Variants in BMPR1B observed in about 807,000 individuals in gnomAD.
BMPR1B encodes bone morphogenetic protein receptor type-1B.
A neutral mutation model predicts 59.1 loss-of-function variants in BMPR1B; 12 were observed. The observed-to-expected ratio is 0.20, with a 90% CI of 0.13 to 0.33. BMPR1B has a LOEUF of 0.33. BMPR1B is among the 10% of genes least tolerant of loss of function. The pLI, the probability that BMPR1B is intolerant of heterozygous loss-of-function variation, is 1.00. For missense variants in BMPR1B, 550 were observed against 610.9 expected (o/e 0.90, Z 1.05); for synonymous variants, 237 against 207.3 (o/e 1.14, Z -1.23).
At chr4:94,858,396 A>G (rs2148954075) in intron 1 of BMPR1B, among the ~76,000 whole-genome samples, 1 of 152,330 alleles carries the variant, frequency 6.6e-6, no homozygotes, top group Admixed American at 6.5e-5. Context: ...TAGAAAATAA[A>G]TTTGGCTATA....
chr4:95,100,943 AGT>A (rs1328647333), intron 3 of BMPR1B, among the ~76,000 whole-genome samples: 1 of 152,116 alleles, frequency 6.6e-6, no homozygotes, highest in Non-Finnish European at 1.5e-5. Context: ...TCTTCCAAGT[AGT>A]GTTTGTTTTA....
At chr4:95,101,587 TC>T (rs1319775455) in intron 3 of BMPR1B, among the ~76,000 whole-genome samples, 1 of 152,080 alleles carries the variant, frequency 6.6e-6, no homozygotes, top group African/African-American at 2.4e-5. Flanking sequence ...TTCTTAGCTT[TC>T]CCCCCACATT....
At chr4:94,817,680 C>T (rs1724060286) in intron 1 of BMPR1B, among the ~76,000 whole-genome samples, 1 of 152,106 alleles carries the variant, frequency 6.6e-6, no homozygotes, top group African/African-American at 2.4e-5. Flanking sequence ...AAAACTTTTC[C>T]TGCTCCCATG....
intron 2 of BMPR1B, among the ~76,000 whole-genome samples, chr4:94,989,160 G>A (rs1721584906): frequency 6.6e-6 from 1 of 152,106 alleles, no homozygotes; most frequent in Admixed American, 6.6e-5. Context: ...GGAGGCTGAG[G>A]CTGGTGGATC....
chr4:94,844,502 T>A (rs1383695735), intron 1 of BMPR1B, among the ~76,000 whole-genome samples: 2 of 152,156 alleles, frequency 1.3e-5, no homozygotes. Flanking sequence ...TGCTCAAGAT[T>A]ACATTATCTA....
rs1375811724 is a variant in BMPR1B, at chr4:94,771,134, T to C, written c.-183+13066T>C. Reference sequence around the variant, plus strand: ...TAGCAGCAGGAAGAAAAAGCAGATATACACACACATACAAACCCCGAGAGG... The same window carrying C: ...TAGCAGCAGGAAGAAAAAGCAGATACACACACACATACAAACCCCGAGAGG... On this transcript the variant is annotated intron_variant, in intron 1 of 12. Transcript: ENST00000515059. Among the ~76,000 whole-genome samples the C allele has an allele frequency of 3.3e-5, 5 of 152,144 alleles. 1 individual carries two copies. Among genetic ancestry groups the C allele is most frequent in the Admixed American group, 1.3e-4 (2 of 15,276 alleles).
chr4:94,887,672 C>A (rs939954414), intron 2 of BMPR1B, among the ~76,000 whole-genome samples: 1 of 151,504 alleles, frequency 6.6e-6, no homozygotes, highest in Non-Finnish European at 1.5e-5. Flanking sequence ...TAATAAGCGG[C>A]ATCAAAGAAA....
At chr4:95,021,979 T>TGAAAAATAACTTGTTTAAAAA (rs1436062303) in intron 3 of BMPR1B, among the ~76,000 whole-genome samples, 3 of 152,206 alleles carry the variant, frequency 2.0e-5, no homozygotes, top group Non-Finnish European at 4.4e-5. Flanking sequence ...GCTAAATAGA[T>TGAAAAATAACTTGTTTAAAAA]GAAAAATAAC....
intron 1 of BMPR1B, among the ~76,000 whole-genome samples, chr4:94,801,761 G>GT (rs1384120184): frequency 6.6e-6 from 1 of 152,112 alleles, no homozygotes; most frequent in Non-Finnish European, 1.5e-5. Context: ...ATATAAAAAA[G>GT]TAAGACAAAC....
At chr4:94,933,033 C>G (rs895736323) in intron 2 of BMPR1B, among the ~76,000 whole-genome samples, 29 of 151,992 alleles carry the variant, frequency 1.9e-4, no homozygotes, top group African/African-American at 7.0e-4. Flanking sequence ...CCAAAGATAA[C>G]CTCTGTCAGC....
At chr4:95,070,285 G>A (rs1401920609) in intron 3 of BMPR1B, among the ~76,000 whole-genome samples, 2 of 152,108 alleles carry the variant, frequency 1.3e-5, no homozygotes, top group Admixed American at 6.5e-5. Context: ...GGTGAGAGGA[G>A]GAAGGATTAC....
At chr4:95,065,734 A>AT (rs1173548171) in intron 3 of BMPR1B, among the ~76,000 whole-genome samples, 2 of 152,040 alleles carry the variant, frequency 1.3e-5, no homozygotes, top group African/African-American at 2.4e-5. Flanking sequence ...TGAAACATGG[A>AT]TTTTTTCCTA....
At chr4:95,136,493 T>C (rs1733799447) in intron 10 of BMPR1B, among the ~76,000 whole-genome samples, 2 of 152,166 alleles carry the variant, frequency 1.3e-5, no homozygotes, top group Non-Finnish European at 2.9e-5. Flanking sequence ...TGGTACCAGC[T>C]CCTCTTTGTA....
Position 94,833,842 on chromosome 4 carries a change from A to C in BMPR1B, c.-182-41989A>C, listed in dbSNP as rs868803140. ...TAGGAGTGAATGAACTGATCTATGCATACTTGGGTATTACACATATTAGGG... is the reference window on the plus strand; with the variant it reads ...TAGGAGTGAATGAACTGATCTATGCCTACTTGGGTATTACACATATTAGGG... On this transcript the variant is annotated intron_variant, in intron 1 of 12. Coordinates refer to ENST00000515059, the MANE Select transcript of BMPR1B (RefSeq NM_001203.3). Among the ~76,000 whole-genome samples the C allele has an allele frequency of 1.3e-3, 197 of 152,302 alleles. 6 individuals are homozygous for C. Among genetic ancestry groups the C allele is most frequent in the Non-Finnish European group, 9.6e-4 (65 of 68,030 alleles).
Position 95,154,849 on chromosome 4 carries a change from C to T in BMPR1B, c.*176C>T. 2.5e-6 allele frequency: 2 copies of T among 810,674 alleles called. No homozygotes were observed. Among genetic ancestry groups the T allele is most frequent in the Non-Finnish European group, 3.9e-6 (2 of 512,484 alleles). The allele number at this position is 810,674 out of a possible 1,614,324, so 50.2% of individuals were successfully genotyped here. A position where few individuals can be genotyped will look rare whatever the true frequency, so the allele number is the denominator to read the frequency against. On this transcript the variant is annotated 3_prime_UTR_variant, in exon 13 of 13. Coordinates refer to ENST00000515059, the MANE Select transcript of BMPR1B (RefSeq NM_001203.3). ...GACCTGGGCAAAGACAGAGAAGCTC[C>T]CAGAAGGAGAGATTGATCCATGTCT... is the stretch of plus-strand genomic sequence containing the variant.
intron 2 of BMPR1B, among the ~76,000 whole-genome samples, chr4:94,925,451 A>G (rs1728848863): frequency 6.6e-6 from 1 of 152,132 alleles, no homozygotes; most frequent in Non-Finnish European, 1.5e-5. Flanking sequence ...TAAGTCAGTG[A>G]ATTTTACTGT....
At chr4:95,154,307 A>G (rs1166685188) in intron 12 of BMPR1B, among the ~76,000 whole-genome samples, 3 of 152,240 alleles carry the variant, frequency 2.0e-5, no homozygotes, top group Non-Finnish European at 4.4e-5. Flanking sequence ...CTAATTTCAA[A>G]GACACCTTTC....
chr4:94,974,314 C>T (rs1295916093), intron 2 of BMPR1B, among the ~76,000 whole-genome samples: 2 of 152,016 alleles, frequency 1.3e-5, no homozygotes, highest in African/African-American at 2.4e-5. Flanking sequence ...TTTAATTTGA[C>T]TTATAACATT....
chr4:94,893,423 T>C (rs957425905), intron 2 of BMPR1B, among the ~76,000 whole-genome samples: 1 of 152,026 alleles, frequency 6.6e-6, no homozygotes, highest in Non-Finnish European at 1.5e-5. Flanking sequence ...AAGTGGACTC[T>C]TCCCCATGTT....
Sources: allele counts gnomAD v4.1 joint callset (sites outside exome capture counted in the v4.1 genomes callset), GRCh38; gene constraint gnomAD v4.1.1; transcripts MANE v1.5; gene names NCBI Gene and HGNC (gene_info 2026-07-23, HGNC 2026-07-21).